The following TRPM3 variants were observed in gnomAD, a reference collection of about 807,000 sequenced individuals.
TRPM3 encodes long transient receptor potential channel 3.
Under a neutral mutation model 181.2 loss-of-function variants are expected in TRPM3, and 77 were observed. That is an observed-to-expected ratio of 0.42 (90% CI 0.35 to 0.51). The LOEUF (loss-of-function observed/expected upper bound fraction) is 0.51, where lower values mean the gene tolerates loss of function less well. Among genes scored for constraint, TRPM3 ranks in the 20% least tolerant of loss-of-function variants. The pLI is 0.01. For synonymous variants in TRPM3, 745 were observed against 796.4 expected (o/e 0.94, Z 1.09); for missense variants, 1,759 against 2,196.7 (o/e 0.80, Z 3.98).
At chr9:70,833,973 G>A (rs2039640) in intron 5 of TRPM3, among the ~76,000 whole-genome samples, 80,218 of 151,758 alleles carry the variant, frequency 0.53, 21,842 homozygotes, top group Non-Finnish European at 0.56. Context: ...GAACATGGGG[G>A]CTGAGAGAAT....
chr9:70,938,945 G>A (rs1022669820), intron 1 of TRPM3, among the ~76,000 whole-genome samples: 2 of 148,722 alleles, frequency 1.3e-5, no homozygotes, highest in African/African-American at 2.5e-5. Context: ...GGGACAGAGC[G>A]AGACTCCGTC....
At chr9:71,320,268 G>A (rs2089079699) in intron 1 of TRPM3, among the ~76,000 whole-genome samples, 1 of 151,532 alleles carries the variant, frequency 6.6e-6, no homozygotes, top group Admixed American at 6.6e-5. Flanking sequence ...GCCAATTCTA[G>A]AATTACCTTT....
chr9:71,415,848 G>A (rs1488549762), intron 1 of TRPM3, among the ~76,000 whole-genome samples: 1 of 151,284 alleles, frequency 6.6e-6, no homozygotes, highest in African/African-American at 2.4e-5. Flanking sequence ...AAAACACTAA[G>A]AATAAAATAG....
At chr9:71,280,986 T>G (rs917727873) in intron 1 of TRPM3, among the ~76,000 whole-genome samples, 1 of 152,236 alleles carries the variant, frequency 6.6e-6, no homozygotes, top group Non-Finnish European at 1.5e-5. Flanking sequence ...TTCCCTAGGT[T>G]GATAGTAAGC....
Position 70,537,067 on chromosome 9 carries a change from T to C in TRPM3, c.4046A>G (p.His1349Arg), listed in dbSNP as rs920131783. Residue 1349 changes from histidine (H) to arginine (R), a missense_variant, in exon 26 of 26, where the codon CAT becomes CGT. By Grantham distance (29) the His-to-Arg change is conservative (BLOSUM62 0). Coordinates refer to ENST00000677713, the MANE Select transcript of TRPM3 (RefSeq NM_001366145.2). ...SPTLMPRMRSHSFYSVNMKDK... is the reference protein window; with the variant it reads ...SPTLMPRMRSRSFYSVNMKDK... The stretch of plus-strand genomic sequence containing the variant: ...TTTCATATTGACCGAATAGAAAGAA[T>C]GGCTTCGCATACGGGGCATTAAGGT... 6 of 1,612,186 alleles carry C rather than the reference T, an allele frequency of 3.7e-6. No individual in the cohort carries two copies. The highest frequency in any genetic ancestry group is 1.3e-5 in the African/African-American group (1 of 74,910).
intron 1 of TRPM3, among the ~76,000 whole-genome samples, chr9:71,082,025 C>T (rs1004584738): frequency 1.3e-5 from 2 of 152,102 alleles, no homozygotes; most frequent in Non-Finnish European, 2.9e-5. Flanking sequence ...TGTTTTTAAA[C>T]AAATCCATAT....
intron 1 of TRPM3, among the ~76,000 whole-genome samples, chr9:70,954,475 AT>A (rs1471513394): frequency 1.3e-5 from 2 of 152,108 alleles, no homozygotes; most frequent in African/African-American, 4.8e-5. Flanking sequence ...TCTAAGACTC[AT>A]TTTTATAGTA....
At chr9:71,196,970 T>TA (rs11448849) in intron 1 of TRPM3, among the ~76,000 whole-genome samples, 150,179 of 152,126 alleles carry the variant, frequency 0.99, 74,148 homozygotes, top group East Asian at 1. Context: ...CTGCACCCAT[T>TA]ACTCGTCATT....
At chr9:70,869,673 A>G (rs2095746306) in intron 1 of TRPM3, among the ~76,000 whole-genome samples, 1 of 152,034 alleles carries the variant, frequency 6.6e-6, no homozygotes, top group African/African-American at 2.4e-5. Flanking sequence ...AACTTCTCCG[A>G]TCATACTTCT....
intron 1 of TRPM3, among the ~76,000 whole-genome samples, chr9:71,162,889 G>C (rs1383645059): frequency 6.6e-6 from 1 of 152,114 alleles, no homozygotes; most frequent in Non-Finnish European, 1.5e-5. Flanking sequence ...GGAGCACTTA[G>C]GTTGGGTGAG....
intron 1 of TRPM3, among the ~76,000 whole-genome samples, chr9:71,383,313 C>T (rs1190107850): frequency 3.3e-5 from 5 of 152,084 alleles, no homozygotes; most frequent in African/African-American, 1.2e-4. Flanking sequence ...GTTTGCCCTT[C>T]CAGATTCATT....
In TRPM3 at chr9:71,330,635, G is replaced by A. The variant is rs553460943; in HGVS notation, c.183+116018C>T. Among the ~76,000 whole-genome samples the A allele has an allele frequency of 4.6e-5, 7 of 151,884 alleles. 2 individuals are homozygous for A. The East Asian group carries it at 1.4e-3, about 29-fold the overall frequency. Reference sequence around the variant, plus strand: ...TTCTCCATCTCAGAAAAGGAGGGACGGGGTGCTGGGTATATTAAAAACTTA... The same window carrying A: ...TTCTCCATCTCAGAAAAGGAGGGACAGGGTGCTGGGTATATTAAAAACTTA... On this transcript the variant is annotated intron_variant, in intron 1 of 24. Coordinates refer to the TRPM3 transcript ENST00000357533.
intron 1 of TRPM3, among the ~76,000 whole-genome samples, chr9:71,108,072 G>A: frequency 6.6e-6 from 1 of 152,216 alleles, no homozygotes; most frequent in East Asian, 1.9e-4. Flanking sequence ...AACTCTAAAA[G>A]CATTTCTTCA....
chr9:70,675,314 T>G (rs957530263), intron 9 of TRPM3, among the ~76,000 whole-genome samples: 2 of 152,316 alleles, frequency 1.3e-5, no homozygotes, highest in East Asian at 3.9e-4. Context: ...TTGGCCAGGC[T>G]GGTCTTGAAC....
chr9:70,745,864 C>T (rs1014530394), intron 8 of TRPM3, among the ~76,000 whole-genome samples: 1 of 152,118 alleles, frequency 6.6e-6, no homozygotes, highest in Admixed American at 6.6e-5. Context: ...ATCGAAAGTC[C>T]TGAAGTCAAA....
At chr9:71,270,406 A>G (rs1306075640) in intron 1 of TRPM3, among the ~76,000 whole-genome samples, 2 of 152,172 alleles carry the variant, frequency 1.3e-5, no homozygotes, top group African/African-American at 2.4e-5. Flanking sequence ...CATTCAGAAT[A>G]TATTTCAAAC....
In TRPM3 at chr9:70,536,422, T is replaced by G; in HGVS notation, c.4691A>C (p.Asp1564Ala). 6.2e-7 allele frequency: 1 copy of G among 1,614,172 alleles called. No homozygotes were observed. The highest frequency in any genetic ancestry group is 1.1e-5 in the South Asian group (1 of 91,080). The change falls in exon 26 of 26, where the codon GAC becomes GCC. Residue 1564 changes from aspartate (D) to alanine (A), a missense_variant. Transcript: ENST00000677713. ...AEYTSITDCI[D>A]TRCVNAPQAI... ...TTGAGGGGCATTGACACACCTTGTG[T>G]CAATACAGTCTGTAATACTTGTGTA... is the stretch of plus-strand genomic sequence containing the variant.
chr9:70,819,290 C>T (rs949736135), intron 6 of TRPM3, among the ~76,000 whole-genome samples: 2 of 152,118 alleles, frequency 1.3e-5, no homozygotes, highest in African/African-American at 4.8e-5. Flanking sequence ...AAATGTCTCC[C>T]AGGGGAGGCA....
At chr9:70,593,918 T>TTATAATG (rs1202056345) in intron 21 of TRPM3, among the ~76,000 whole-genome samples, 3 of 147,248 alleles carry the variant, frequency 2.0e-5, no homozygotes, top group Non-Finnish European at 4.5e-5. Flanking sequence ...ATAATATACA[T>TTATAATG]TATAATGTAT....
Sources: gnomAD v4.1 joint callset for allele counts (sites outside exome capture counted in the v4.1 genomes callset) on GRCh38, gnomAD v4.1.1 for gene constraint, MANE v1.5 for transcripts, NCBI Gene and HGNC (gene_info 2026-07-23, HGNC 2026-07-21) for gene names.